The following ITPR1 variants were observed in gnomAD, a reference collection of about 807,000 sequenced individuals.
The protein encoded by ITPR1 is inositol 1,4,5-trisphosphate receptor type 1.
Under a neutral mutation model 318.4 loss-of-function variants are expected in ITPR1, and 96 were observed. That is an observed-to-expected ratio of 0.30 (90% CI 0.26 to 0.36). The LOEUF is 0.36. Ranked by LOEUF, ITPR1 falls within the 10% of genes least tolerant of loss-of-function variation. The probability of loss-of-function intolerance (pLI) is 1.00; values close to 1 mark genes in which losing one functional copy is unlikely to be tolerated. For missense variants in ITPR1, 2,440 were observed against 3,460.2 expected (o/e 0.71, Z 7.40); for synonymous variants, 1,312 against 1,289.9 (o/e 1.02, Z -0.37).
intron 44 of ITPR1, among the ~76,000 whole-genome samples, chr3:4,739,507 C>T (rs2043543243): frequency 6.6e-6 from 1 of 152,166 alleles, no homozygotes. Context: ...GTGGATTCAA[C>T]CAACTGCAGA....
At position 4,674,331 on chromosome 3, in the gene ITPR1, G is replaced by A; in HGVS notation, c.2586G>A (p.Lys862=). The A allele has an allele frequency of 6.2e-7, 1 of 1,607,078 alleles. No individual in the cohort carries two copies. Among genetic ancestry groups the A allele is most frequent in the Non-Finnish European group, 8.5e-7 (1 of 1,176,600 alleles). ...RFPFSDKEKN[K]LTFEVVNLAR... Reference sequence around the variant, plus strand: ...CTTTCTCTGATAAAGAGAAGAATAAGCTTACGTTTGAGGTAACTCATGATG... The same window carrying A: ...CTTTCTCTGATAAAGAGAAGAATAAACTTACGTTTGAGGTAACTCATGATG... Residue 862 remains lysine, a synonymous_variant, in exon 22 of 62, where the codon AAG becomes AAA. Coordinates refer to ENST00000649015, the MANE Select transcript of ITPR1 (RefSeq NM_001378452.1).
chr3:4,665,344 A>T, intron 17 of ITPR1, 48 bp downstream of exon 17: 1 of 1,557,682 alleles, frequency 6.4e-7, no homozygotes, highest in Non-Finnish European at 8.7e-7. Context: ...TCCTCCCTGA[A>T]GTTTGTGAAC....
At chr3:4,606,250 G>A (rs1228659814) in intron 4 of ITPR1, among the ~76,000 whole-genome samples, 1 of 152,160 alleles carries the variant, frequency 6.6e-6, no homozygotes, top group African/African-American at 2.4e-5. Flanking sequence ...ACCCTGTGTG[G>A]TAGGGTGGAG....
At position 4,687,441 on chromosome 3, in the gene ITPR1, G is replaced by A. The variant is rs138337718; in HGVS notation, c.3703-1054G>A. Among the ~76,000 whole-genome samples the A allele has an allele frequency of 1.8e-3, 267 of 152,244 alleles. 1 individual carries two copies. Among genetic ancestry groups the A allele is most frequent in the African/African-American group, 6.1e-3 (255 of 41,546 alleles). ...GCGACACTGAGAGGCTAAGAAATGT[G>A]CTCCAGGTCACACAGCCAGGAAGTT... On this transcript the variant is annotated intron_variant, in intron 30 of 61. Coordinates refer to ENST00000649015, the MANE Select transcript of ITPR1 (RefSeq NM_001378452.1).
chr3:4,812,338 TTA>T (rs1319691166), intron 56 of ITPR1, among the ~76,000 whole-genome samples: 1 of 152,172 alleles, frequency 6.6e-6, no homozygotes, highest in African/African-American at 2.4e-5. Context: ...ATGCCTGGTC[TTA>T]TGTTTTCTTA....
intron 39 of ITPR1, among the ~76,000 whole-genome samples, chr3:4,714,816 G>A (rs2041644860): frequency 6.6e-6 from 1 of 152,200 alleles, no homozygotes; most frequent in Non-Finnish European, 1.5e-5. Flanking sequence ...ACTTTGGCGT[G>A]CCTGTTTGGG....
intron 2 of ITPR1, among the ~76,000 whole-genome samples, chr3:4,510,101 T>G (rs1471787806): frequency 4.6e-5 from 7 of 152,018 alleles, no homozygotes; most frequent in South Asian, 2.1e-4. Context: ...GGTGGAGACA[T>G]CAAACTGGGG....
intron 60 of ITPR1, among the ~76,000 whole-genome samples, chr3:4,820,314 C>G (rs966540626): frequency 6.6e-6 from 1 of 152,182 alleles, no homozygotes; most frequent in Non-Finnish European, 1.5e-5. Context: ...TTCCTTCTCA[C>G]CCCTGACTTT....
intron 29 of ITPR1, among the ~76,000 whole-genome samples, chr3:4,684,820 A>G (rs529502629): frequency 7.2e-5 from 11 of 152,304 alleles, no homozygotes; most frequent in Non-Finnish European, 1.5e-4. Flanking sequence ...TTCCATTTTA[A>G]GCGATATCTC....
chr3:4,695,466 G>C (rs1206370834), intron 33 of ITPR1, among the ~76,000 whole-genome samples: 1 of 152,110 alleles, frequency 6.6e-6, no homozygotes, highest in South Asian at 2.1e-4. Context: ...AAGAACGATA[G>C]AACGATTATA....
chr3:4,694,303 ATATAAAGTATAT>A (rs1410651122), intron 33 of ITPR1, among the ~76,000 whole-genome samples: 1 of 136,202 alleles, frequency 7.3e-6, no homozygotes, highest in Admixed American at 7.0e-5. Context: ...TATTTATGAT[ATATAAAGTATAT>A]TATAAAGTAT....
At chr3:4,774,173 T>C (rs745999450) in intron 46 of ITPR1, among the ~76,000 whole-genome samples, 4 of 152,220 alleles carry the variant, frequency 2.6e-5, no homozygotes, top group Non-Finnish European at 5.9e-5. Flanking sequence ...AACTTGACAG[T>C]GTGTCATAGA....
chr3:4,771,778 AG>A (rs2046203320), intron 46 of ITPR1, among the ~76,000 whole-genome samples: 1 of 152,190 alleles, frequency 6.6e-6, no homozygotes, highest in Non-Finnish European at 1.5e-5. Context: ...TAATGTTTGA[AG>A]GTATCATAAA....
intron 4 of ITPR1, among the ~76,000 whole-genome samples, chr3:4,535,442 A>ATTTTTTTTTTTTTTTTTTTTTATTT (rs34152018): frequency 9.9e-6 from 1 of 100,982 alleles, no homozygotes; most frequent in Admixed American, 1.5e-4. Flanking sequence ...TTTTTTTTTA[A>ATTTTTTTTTTTTTTTTTTTTTATTT]TTTTTTTTTT....
intron 5 of ITPR1, 89 bp from the exon 6 acceptor site, chr3:4,639,294 TA>T (rs1467544401): frequency 1.0e-6 from 1 of 978,186 alleles, no homozygotes; most frequent in Non-Finnish European, 1.6e-6. Context: ...GTGGTTCTTG[TA>T]TGAACTGGCG....
At chr3:4,623,177 A>G (rs2092703496) in intron 4 of ITPR1, among the ~76,000 whole-genome samples, 1 of 152,176 alleles carries the variant, frequency 6.6e-6, no homozygotes, top group Non-Finnish European at 1.5e-5. Flanking sequence ...TTTGATAGTC[A>G]AACTCATCTA....
chr3:4,559,204 C>A (rs2086439641), intron 4 of ITPR1, among the ~76,000 whole-genome samples: 1 of 151,654 alleles, frequency 6.6e-6, no homozygotes. Context: ...AGTCAGGTTC[C>A]AAACAAAGCC....
intron 61 of ITPR1, among the ~76,000 whole-genome samples, chr3:4,842,765 A>G (rs2051447766): frequency 6.6e-6 from 1 of 152,182 alleles, no homozygotes; most frequent in Non-Finnish European, 1.5e-5. Flanking sequence ...TTTTTACTCA[A>G]GAGTCAATTT....
At chr3:4,718,042 A>T (rs1043521117) in intron 40 of ITPR1, among the ~76,000 whole-genome samples, 2 of 152,188 alleles carry the variant, frequency 1.3e-5, no homozygotes, top group East Asian at 3.8e-4. Context: ...GTACTTATAT[A>T]TCAAGCTAGT....
Sources: allele counts gnomAD v4.1 joint callset (sites outside exome capture counted in the v4.1 genomes callset), GRCh38; gene constraint gnomAD v4.1.1; transcripts MANE v1.5; gene names NCBI Gene and HGNC (gene_info 2026-07-23, HGNC 2026-07-21).